The following IQCM variants were observed in gnomAD, a reference collection of about 807,000 sequenced individuals.
IQCM encodes the protein IQ motif containing M, also known as IQ domain-containing protein M.
In IQCM, 45 loss-of-function variants were observed where a neutral mutation model predicts 57.6. The observed-to-expected ratio is 0.78, with a 90% confidence interval of 0.62 to 1.00. IQCM has a LOEUF of 1.00. Ranked by LOEUF, IQCM falls within the 50% of genes least tolerant of loss-of-function variation. IQCM has a pLI of 0.00. For missense variants in IQCM, 468 were observed against 511.6 expected, an observed-to-expected ratio of 0.91 and a Z score of 0.82; for synonymous variants, 148 against 158.9, an observed-to-expected ratio of 0.93 and a Z score of 0.51.
intron 6 of IQCM, among the ~76,000 whole-genome samples, chr4:149,683,793 TGA>T (rs1295817314): frequency 6.6e-6 from 1 of 151,334 alleles, no homozygotes; most frequent in African/African-American, 2.4e-5. Context: ...ATTCAACCAC[TGA>T]AGCAAAATAT....
chr4:149,738,171 T>G (rs569483006), intron 3 of IQCM, among the ~76,000 whole-genome samples: 2 of 152,182 alleles, frequency 1.3e-5, no homozygotes, highest in Non-Finnish European at 2.9e-5. Flanking sequence ...GCACAGGCAC[T>G]GTGCTCCTGA....
At chr4:149,433,009 A>T (rs1735013226) in intron 13 of IQCM, among the ~76,000 whole-genome samples, 1 of 152,014 alleles carries the variant, frequency 6.6e-6, no homozygotes, top group Non-Finnish European at 1.5e-5. Flanking sequence ...TGCAACTCTC[A>T]TATCTCTGCA....
intron 12 of IQCM, among the ~76,000 whole-genome samples, chr4:149,544,716 A>G (rs1748210063): frequency 6.6e-6 from 1 of 152,218 alleles, no homozygotes; most frequent in Non-Finnish European, 1.5e-5. Flanking sequence ...AATGGAATAG[A>G]ATAGAGAGCC....
At chr4:149,600,503 A>G (rs1343577453) in intron 8 of IQCM, among the ~76,000 whole-genome samples, 1 of 152,186 alleles carries the variant, frequency 6.6e-6, no homozygotes, top group Non-Finnish European at 1.5e-5. Context: ...GATGGAGTTC[A>G]CATTAGATTT....
chr4:149,678,407 C>T (rs772862458), intron 7 of IQCM, among the ~76,000 whole-genome samples: 1 of 151,774 alleles, frequency 6.6e-6, no homozygotes, highest in Admixed American at 6.6e-5. Context: ...AAATCTATTG[C>T]CAGCTAAGAA....
At chr4:149,605,888 T>TG (rs1273932252) in intron 8 of IQCM, among the ~76,000 whole-genome samples, 8 of 152,088 alleles carry the variant, frequency 5.3e-5, no homozygotes, top group Non-Finnish European at 1.2e-4. Flanking sequence ...TCTTGCAACT[T>TG]GAATACCAGC....
intron 8 of IQCM, among the ~76,000 whole-genome samples, chr4:149,600,581 T>G (rs2150030879): frequency 6.6e-6 from 1 of 152,282 alleles, no homozygotes; most frequent in South Asian, 2.1e-4. Context: ...ATCCAGTGAT[T>G]TTCTAGGGAG....
intron 9 of IQCM, among the ~76,000 whole-genome samples, chr4:149,576,141 T>G (rs897638377): frequency 1.3e-5 from 2 of 151,718 alleles, no homozygotes; most frequent in Non-Finnish European, 2.9e-5. Context: ...TCAATTCTGA[T>G]TTTTTTTCTT....
intron 12 of IQCM, among the ~76,000 whole-genome samples, chr4:149,514,064 C>T (rs964169165): frequency 1.3e-5 from 2 of 151,980 alleles, no homozygotes; most frequent in Middle Eastern, 3.4e-3. Context: ...GTTTCTGTGG[C>T]ATCTTGAAAA....
chr4:149,681,438 T>C (rs1273283900), intron 7 of IQCM, among the ~76,000 whole-genome samples: 1 of 151,234 alleles, frequency 6.6e-6, no homozygotes, highest in Non-Finnish European at 1.5e-5. Flanking sequence ...GAAAACATGA[T>C]TCATAGAATT....
chr4:149,365,269 C>A (rs76048873), intron 13 of IQCM, among the ~76,000 whole-genome samples: 36 of 151,912 alleles, frequency 2.4e-4, no homozygotes, highest in African/African-American at 8.4e-4. Flanking sequence ...GACACAGGAG[C>A]CAACCTGAAA....
intron 2 of IQCM, among the ~76,000 whole-genome samples, chr4:149,780,937 T>A (rs1200391758): frequency 1.3e-5 from 2 of 152,124 alleles, no homozygotes; most frequent in African/African-American, 4.8e-5. Context: ...GGTTTAGACA[T>A]GTTGAGTTTA....
chr4:149,497,275 G>T (rs1742754720), intron 12 of IQCM, among the ~76,000 whole-genome samples: 1 of 152,058 alleles, frequency 6.6e-6, no homozygotes, highest in African/African-American at 2.4e-5. Flanking sequence ...TAATAGAAAA[G>T]CCCTAGGGCT....
intron 13 of IQCM, among the ~76,000 whole-genome samples, chr4:149,423,524 C>A (rs1734258688): frequency 6.6e-6 from 1 of 151,950 alleles, no homozygotes; most frequent in Admixed American, 6.6e-5. Context: ...GTTAAAGAAG[C>A]CCTTACTGTT....
At chr4:149,649,152 C>G (rs1758926587) in intron 7 of IQCM, among the ~76,000 whole-genome samples, 1 of 151,902 alleles carries the variant, frequency 6.6e-6, no homozygotes. Context: ...TTTTTTTCCT[C>G]AGCAACAAAG....
chr4:149,683,073 C>T (rs1396807311), intron 6 of IQCM, among the ~76,000 whole-genome samples: 1 of 151,146 alleles, frequency 6.6e-6, no homozygotes, highest in Non-Finnish European at 1.5e-5. Context: ...TATAAATGTA[C>T]AAAGGTGCAC....
intron 12 of IQCM, among the ~76,000 whole-genome samples, chr4:149,494,462 G>T (rs1332867454): frequency 6.6e-6 from 1 of 152,064 alleles, no homozygotes; most frequent in East Asian, 1.9e-4. Context: ...GCCAAAAAAT[G>T]ACAGCCCTGA....
intron 5 of IQCM, among the ~76,000 whole-genome samples, chr4:149,703,146 A>T (rs938216496): frequency 1.3e-5 from 2 of 151,956 alleles, no homozygotes; most frequent in Non-Finnish European, 2.9e-5. Flanking sequence ...TACATTTGCA[A>T]CTTTCTCTTT....
intron 5 of IQCM, among the ~76,000 whole-genome samples, chr4:149,699,703 A>G (rs930338880): frequency 2.0e-5 from 3 of 149,502 alleles, no homozygotes; most frequent in Non-Finnish European, 4.5e-5. Flanking sequence ...GGCAAAAAAA[A>G]AAAAAAAAAA....
Sources: allele counts gnomAD v4.1 joint callset (sites outside exome capture counted in the v4.1 genomes callset), GRCh38; gene constraint gnomAD v4.1.1; transcripts MANE v1.5; gene names NCBI Gene and HGNC (gene_info 2026-07-23, HGNC 2026-07-21).